CFAP96: variants seen among roughly 807,000 people sequenced by gnomAD.
CFAP96 encodes the protein cilia-and flagella-associated protein 96.
the CFAP96 span, among the ~76,000 whole-genome samples, chr4:185,414,347 A>T: frequency 1.3e-5 from 2 of 152,242 alleles, no homozygotes; most frequent in East Asian, 1.9e-4. Context: ...TCTAAAGCCA[A>T]CCAATATGGC....
the CFAP96 span, among the ~76,000 whole-genome samples, chr4:185,443,301 C>T: frequency 1.8e-5 from 2 of 112,406 alleles, no homozygotes; most frequent in African/African-American, 6.4e-5. Flanking sequence ...TTGGGGTTTA[C>T]AGAAATATTA....
At chr4:185,449,357 C>CA in the CFAP96 span, among the ~76,000 whole-genome samples, 1 of 151,864 alleles carries the variant, frequency 6.6e-6, no homozygotes, top group Non-Finnish European at 1.5e-5. Flanking sequence ...TCTGTCTCTA[C>CA]AAAAAATATA....
chr4:185,422,653 C>A, the CFAP96 span: 5 of 810,470 alleles, frequency 6.2e-6, no homozygotes, highest in Non-Finnish European at 9.5e-6. Context: ...AGTGTTAAGA[C>A]ATTAATTAAC....
At chr4:185,425,568 A>C in the CFAP96 span, among the ~76,000 whole-genome samples, 2 of 152,216 alleles carry the variant, frequency 1.3e-5, no homozygotes, top group Non-Finnish European at 2.9e-5. Flanking sequence ...TCCCAGGTTA[A>C]GCCCTTCTTG....
At chr4:185,412,058 C>T in the CFAP96 span, among the ~76,000 whole-genome samples, 1 of 151,012 alleles carries the variant, frequency 6.6e-6, no homozygotes, top group Non-Finnish European at 1.5e-5. Context: ...GGAAAGAGCA[C>T]AGACTGGTAA....
the CFAP96 span, among the ~76,000 whole-genome samples, chr4:185,439,234 A>T: frequency 6.6e-6 from 1 of 152,196 alleles, no homozygotes; most frequent in African/African-American, 2.4e-5. Context: ...TCCCATGACA[A>T]GTAAATTTTG....
At chr4:185,436,384 C>G in the CFAP96 span, 1 of 1,465,908 alleles carries the variant, frequency 6.8e-7, no homozygotes, top group Non-Finnish European at 9.3e-7. Flanking sequence ...TTGAATGTTT[C>G]AACCTTTCTT....
At chr4:185,422,627 A>G in the CFAP96 span, 38 of 1,097,708 alleles carry the variant, frequency 3.5e-5, no homozygotes, top group Admixed American at 1.0e-4. Context: ...ATTCATATAA[A>G]TTAGAATCTA....
At chr4:185,422,579 A>G in the CFAP96 span, 4 of 1,554,840 alleles carry the variant, frequency 2.6e-6, no homozygotes, top group Non-Finnish European at 2.6e-6. Flanking sequence ...ACAAATAAAG[A>G]TAAAGACAAA....
At chr4:185,415,595 G>T in the CFAP96 span, 2 of 1,008,902 alleles carry the variant, frequency 2.0e-6, no homozygotes, top group Non-Finnish European at 2.8e-6. Context: ...TGGCTCTTAG[G>T]TTAATAATAA....
the CFAP96 span, among the ~76,000 whole-genome samples, chr4:185,438,494 C>T: frequency 3.3e-5 from 5 of 152,248 alleles, no homozygotes; most frequent in African/African-American, 9.6e-5. Flanking sequence ...TAGTTACTGT[C>T]TTAATGCCCT....
At chr4:185,442,431 T>C in the CFAP96 span, among the ~76,000 whole-genome samples, 1 of 152,138 alleles carries the variant, frequency 6.6e-6, no homozygotes, top group Non-Finnish European at 1.5e-5. Flanking sequence ...GGTCAATAAG[T>C]ATTTTTCCCC....
the CFAP96 span, among the ~76,000 whole-genome samples, chr4:185,421,655 GAGCCA>G: frequency 6.6e-6 from 1 of 152,164 alleles, no homozygotes; most frequent in African/African-American, 2.4e-5. Flanking sequence ...GCAGAACTGT[GAGCCA>G]AATCAACCTC....
chr4:185,425,844 G>C, the CFAP96 span: 2 of 1,602,362 alleles, frequency 1.2e-6, no homozygotes, highest in Non-Finnish European at 1.7e-6. Context: ...CACAGGGGTC[G>C]GTGACGAGCA....
chr4:185,409,650 T>A, the CFAP96 span, among the ~76,000 whole-genome samples: 10 of 152,126 alleles, frequency 6.6e-5, no homozygotes, highest in African/African-American at 9.7e-5. Flanking sequence ...TCCCAAAAGG[T>A]ATGTATGTCC....
the CFAP96 span, among the ~76,000 whole-genome samples, chr4:185,428,360 G>T: frequency 6.6e-6 from 1 of 151,936 alleles, no homozygotes; most frequent in Non-Finnish European, 1.5e-5. Context: ...GATCACTTGA[G>T]GCCAGGAGTT....
chr4:185,445,476 G>C, the CFAP96 span: 4 of 1,522,238 alleles, frequency 2.6e-6, no homozygotes, highest in African/African-American at 1.4e-5. Context: ...TTCTCGAAGG[G>C]AGTTTCTTAG....
the CFAP96 span, chr4:185,422,432 A>G: frequency 7.8e-7 from 1 of 1,277,290 alleles, no homozygotes; most frequent in Non-Finnish European, 1.1e-6. Context: ...AAATAATCTC[A>G]GTATATTTCA....
At chr4:185,427,046 CAGAG>C in the CFAP96 span, among the ~76,000 whole-genome samples, 1 of 147,728 alleles carries the variant, frequency 6.8e-6, no homozygotes, top group Non-Finnish European at 1.5e-5. Flanking sequence ...GCCTGGGCAA[CAGAG>C]AGAGACTCCG....
Sources: allele counts gnomAD v4.1 joint callset (sites outside exome capture counted in the v4.1 genomes callset), GRCh38; gene constraint gnomAD v4.1.1; transcripts MANE v1.5; gene names NCBI Gene and HGNC (gene_info 2026-07-23, HGNC 2026-07-21).